Variants in ESRRG observed in about 807,000 individuals in gnomAD.
The protein encoded by ESRRG is estrogen related receptor gamma, also known as estrogen-related receptor gamma.
ESRRG carries 13 observed loss-of-function variants against 44.0 expected under a neutral mutation model. That is an observed-to-expected ratio of 0.30 (90% confidence interval 0.19 to 0.47). ESRRG has a LOEUF of 0.47. Among genes scored for constraint, ESRRG ranks in the 20% least tolerant of loss-of-function variants. The pLI is 1.00. For missense variants in ESRRG, 395 were observed against 580.6 expected (o/e 0.68, Z 3.29); for synonymous variants, 215 against 214.6 (o/e 1.00, Z -0.02).
chr1:216,979,570 A>AAATCC (rs2073580233), intron 1 of ESRRG, among the ~76,000 whole-genome samples: 1 of 152,066 alleles, frequency 6.6e-6, no homozygotes, highest in Non-Finnish European at 1.5e-5. Context: ...TCTGATTTCA[A>AAATCC]AATCCAGGAT....
intron 3 of ESRRG, among the ~76,000 whole-genome samples, chr1:216,639,023 T>C (rs1405947525): frequency 6.6e-6 from 1 of 152,122 alleles, no homozygotes; most frequent in Non-Finnish European, 1.5e-5. Flanking sequence ...AAGGTCAGAG[T>C]AATTGCCATT....
intron 2 of ESRRG, among the ~76,000 whole-genome samples, chr1:216,781,143 TAGTA>T (rs1559616015): frequency 1.3e-5 from 2 of 152,014 alleles, no homozygotes; most frequent in African/African-American, 4.8e-5. Context: ...TAGAAGATGA[TAGTA>T]TATATTACTA....
chr1:216,823,933 T>C lies in ESRRG; in HGVS notation c.-14+115649A>G, dbSNP rs1041026509. On this transcript the variant is annotated intron_variant, in intron 2 of 7. Transcript: ENST00000359162. ...ATGAAAGGGAAGTCTGTTTTGTATATACCCTTCACAAAATGGACATGGCTG... is the reference window on the plus strand; with the variant it reads ...ATGAAAGGGAAGTCTGTTTTGTATACACCCTTCACAAAATGGACATGGCTG... Among the ~76,000 whole-genome samples the C allele has an allele frequency of 3.3e-5, 5 of 152,276 alleles. No individual in the cohort carries two copies. The East Asian group carries it at 5.8e-4, about 18-fold the overall frequency.
intron 1 of ESRRG, among the ~76,000 whole-genome samples, chr1:216,692,441 C>T (rs1231017622): frequency 6.6e-6 from 1 of 151,872 alleles, no homozygotes; most frequent in Non-Finnish European, 1.5e-5. Flanking sequence ...AAAAGTACAA[C>T]TGTACATGTT....
At chr1:217,136,164 G>C (rs931713889) in intron 1 of ESRRG, among the ~76,000 whole-genome samples, 3 of 152,186 alleles carry the variant, frequency 2.0e-5, no homozygotes, top group Admixed American at 6.5e-5. Context: ...CTCCCAGGGA[G>C]GGTGGCTGTT....
intron 2 of ESRRG, among the ~76,000 whole-genome samples, chr1:216,928,834 T>G (rs1200176108): frequency 1.3e-5 from 2 of 152,200 alleles, no homozygotes; most frequent in African/African-American, 4.8e-5. Flanking sequence ...GACACTACTC[T>G]GAGTGAAATA....
chr1:216,904,022 T>A (rs1021170535), intron 2 of ESRRG, among the ~76,000 whole-genome samples: 9 of 152,136 alleles, frequency 5.9e-5, no homozygotes, highest in African/African-American at 2.2e-4. Flanking sequence ...ATTCAGTAAT[T>A]CAGTTTCCTC....
chr1:216,512,320 T>C (rs1012224673), intron 6 of ESRRG, among the ~76,000 whole-genome samples: 1 of 152,028 alleles, frequency 6.6e-6, no homozygotes, highest in Non-Finnish European at 1.5e-5. Context: ...ATGATGAACT[T>C]CTCCAAGACT....
chr1:216,531,941 A>AT (rs1313106473), intron 5 of ESRRG, among the ~76,000 whole-genome samples: 1 of 152,094 alleles, frequency 6.6e-6, no homozygotes, highest in Non-Finnish European at 1.5e-5. Flanking sequence ...CTGCAAAAAA[A>AT]ACCCAGGAAA....
At chr1:216,550,135 G>A (rs185962665) in intron 5 of ESRRG, among the ~76,000 whole-genome samples, 52 of 152,256 alleles carry the variant, frequency 3.4e-4, no homozygotes, top group Non-Finnish European at 7.1e-4. Flanking sequence ...TGACAAGCCA[G>A]TTATACCTTC....
At chr1:217,063,339 A>G (rs2088951063) in intron 1 of ESRRG, among the ~76,000 whole-genome samples, 1 of 152,234 alleles carries the variant, frequency 6.6e-6, no homozygotes, top group Non-Finnish European at 1.5e-5. Flanking sequence ...CCTCAAAGAT[A>G]TCAATAGCAC....
At chr1:216,765,703 G>C (rs2152366972) in intron 2 of ESRRG, among the ~76,000 whole-genome samples, 1 of 152,238 alleles carries the variant, frequency 6.6e-6, no homozygotes, top group African/African-American at 2.4e-5. Context: ...GGTGTAGTCA[G>C]ACACTAAGGG....
chr1:216,926,680 A>G (rs1316369551), intron 2 of ESRRG, among the ~76,000 whole-genome samples: 1 of 152,338 alleles, frequency 6.6e-6, no homozygotes, highest in East Asian at 1.9e-4. Context: ...GAGATACAAA[A>G]AAAAGTATAA....
chr1:216,858,939 C>A (rs1044979004), intron 2 of ESRRG, among the ~76,000 whole-genome samples: 2 of 152,108 alleles, frequency 1.3e-5, no homozygotes, highest in South Asian at 4.1e-4. Flanking sequence ...TTTGGGCCAG[C>A]CATTAATTCC....
intron 6 of ESRRG, among the ~76,000 whole-genome samples, chr1:216,514,808 T>A (rs1006488197): frequency 3.9e-5 from 6 of 152,080 alleles, no homozygotes; most frequent in Non-Finnish European, 8.8e-5. Flanking sequence ...CAAATAAGAT[T>A]CCCTAGAAGA....
At chr1:216,792,204 T>G (rs2094340237) in intron 2 of ESRRG, among the ~76,000 whole-genome samples, 1 of 152,214 alleles carries the variant, frequency 6.6e-6, no homozygotes, top group Non-Finnish European at 1.5e-5. Flanking sequence ...TCATTATCTC[T>G]GTGACATTCA....
At chr1:216,658,884 A>T (rs1449434786) in intron 2 of ESRRG, among the ~76,000 whole-genome samples, 4 of 103,580 alleles carry the variant, frequency 3.9e-5, no homozygotes, top group Admixed American at 9.0e-5. Flanking sequence ...AGAAGAGAAG[A>T]GAAGAGAAGA....
chr1:216,998,985 T>C (rs972216526), intron 1 of ESRRG, among the ~76,000 whole-genome samples: 2 of 152,224 alleles, frequency 1.3e-5, no homozygotes, highest in African/African-American at 4.8e-5. Flanking sequence ...TTCTACTGCA[T>C]ACTACTGAGG....
chr1:216,929,219 C>A (rs1404434262), intron 2 of ESRRG, among the ~76,000 whole-genome samples: 1 of 151,224 alleles, frequency 6.6e-6, no homozygotes, highest in African/African-American at 2.4e-5. Context: ...GCTCTGTTAA[C>A]AATTGGTGGT....
Sources: allele counts gnomAD v4.1 joint callset (sites outside exome capture counted in the v4.1 genomes callset), GRCh38; gene constraint gnomAD v4.1.1; transcripts MANE v1.5; gene names NCBI Gene and HGNC (gene_info 2026-07-23, HGNC 2026-07-21).